Variants in LRRC49 observed in about 807,000 individuals in gnomAD.
LRRC49 encodes leucine-rich repeat-containing protein 49.
In LRRC49, 50 loss-of-function variants were observed where a neutral mutation model predicts 83.3. The observed-to-expected ratio is 0.60, with a 90% CI of 0.48 to 0.76. The LOEUF (loss-of-function observed/expected upper bound fraction) is 0.76, where lower values mean the gene tolerates loss of function less well. Ranked by LOEUF, LRRC49 falls within the 30% of genes least tolerant of loss-of-function variation. The pLI, the probability that LRRC49 is intolerant of heterozygous loss-of-function variation, is 0.00. For synonymous variants in LRRC49, 286 were observed against 283.3 expected (o/e 1.01, Z -0.10); for missense variants, 704 against 809.1 (o/e 0.87, Z 1.58).
intron 14 of LRRC49, among the ~76,000 whole-genome samples, chr15:71,027,263 T>G (rs1308081039): frequency 6.6e-6 from 1 of 152,142 alleles, no homozygotes; most frequent in African/African-American, 2.4e-5. Context: ...AGATGTGTGG[T>G]GTAATTTCTG....
At chr15:70,879,368 G>A (rs1315612865) in intron 2 of LRRC49, among the ~76,000 whole-genome samples, 2 of 152,030 alleles carry the variant, frequency 1.3e-5, no homozygotes, top group African/African-American at 4.8e-5. Flanking sequence ...TTTTTGTGTT[G>A]ATATTAGGTC....
intron 6 of LRRC49, among the ~76,000 whole-genome samples, chr15:70,912,053 T>A (rs893160674): frequency 6.6e-6 from 1 of 152,154 alleles, no homozygotes; most frequent in African/African-American, 2.4e-5. Context: ...TTAGTAGTAT[T>A]GTCTCTTAAT....
chr15:70,961,270 T>C (rs1482700352), intron 8 of LRRC49, among the ~76,000 whole-genome samples: 1 of 152,148 alleles, frequency 6.6e-6, no homozygotes, highest in Non-Finnish European at 1.5e-5. Context: ...AGATACCAAA[T>C]GCTGGTGAGG....
chr15:70,968,304 A>T (rs1173837843), intron 9 of LRRC49, among the ~76,000 whole-genome samples: 1 of 152,146 alleles, frequency 6.6e-6, no homozygotes, highest in Non-Finnish European at 1.5e-5. Context: ...TGTCCGTACA[A>T]AGGACATGAA....
At chr15:70,988,985 A>G (rs1223911316) in intron 11 of LRRC49, among the ~76,000 whole-genome samples, 2 of 152,182 alleles carry the variant, frequency 1.3e-5, no homozygotes, top group African/African-American at 4.8e-5. Flanking sequence ...TCTGGCTTGT[A>G]GAGTTTCTGC....
At chr15:70,871,016 G>A (rs997084772) in intron 1 of LRRC49, among the ~76,000 whole-genome samples, 3 of 151,180 alleles carry the variant, frequency 2.0e-5, no homozygotes, top group African/African-American at 7.3e-5. Flanking sequence ...GATTTGGCAG[G>A]GTCATAGGAC....
intron 2 of LRRC49, among the ~76,000 whole-genome samples, chr15:70,880,971 C>T (rs934772734): frequency 6.6e-6 from 1 of 152,196 alleles, no homozygotes; most frequent in Non-Finnish European, 1.5e-5. Context: ...TGCCTGTAAT[C>T]CCAGCACTCT....
chr15:71,025,565 G>A (rs1158517197), intron 14 of LRRC49, among the ~76,000 whole-genome samples: 1 of 152,024 alleles, frequency 6.6e-6, no homozygotes, highest in Admixed American at 6.5e-5. Flanking sequence ...ACACAGAATG[G>A]CAAGCTGGAT....
chr15:71,020,227 A>C (rs2038952148), intron 14 of LRRC49, among the ~76,000 whole-genome samples: 1 of 152,212 alleles, frequency 6.6e-6, no homozygotes, highest in Non-Finnish European at 1.5e-5. Flanking sequence ...ACAGTTGAAA[A>C]GAGATCCATA....
intron 1 of LRRC49, among the ~76,000 whole-genome samples, chr15:70,864,873 C>G (rs558359561): frequency 6.6e-6 from 1 of 152,092 alleles, no homozygotes; most frequent in Non-Finnish European, 1.5e-5. Context: ...TCTGTGTATC[C>G]GGGAATCTAG....
chr15:70,913,816 C>G (rs544147318), intron 6 of LRRC49, among the ~76,000 whole-genome samples: 6 of 152,192 alleles, frequency 3.9e-5, no homozygotes, highest in African/African-American at 9.6e-5. Context: ...TCTAATATAT[C>G]TTTAAGAGTT....
intron 3 of LRRC49, among the ~76,000 whole-genome samples, chr15:70,897,627 C>T (rs1002246927): frequency 2.6e-5 from 4 of 152,120 alleles, no homozygotes; most frequent in Non-Finnish European, 4.4e-5. Flanking sequence ...TATCTTGATA[C>T]CCAATCATTA....
In LRRC49 at chr15:70,893,760, T is replaced by C. The variant is rs976933832; in HGVS notation, c.105+120T>C. Reference sequence around the variant, plus strand: ...AAAAATTTAAGTAGATTTGCTTTGATTTCCAGTTTAAAGCTAGTTCTTACT... The same window carrying C: ...AAAAATTTAAGTAGATTTGCTTTGACTTCCAGTTTAAAGCTAGTTCTTACT... On this transcript the variant is annotated intron_variant, in intron 2 of 15. Coordinates refer to ENST00000260382, the MANE Select transcript of LRRC49 (RefSeq NM_017691.5). 5 of 767,072 alleles carry C rather than the reference T, an allele frequency of 6.5e-6. No individual in the cohort carries two copies. In the African/African-American group the frequency reaches 8.9e-5, roughly 14 times the overall value. The allele number at this position is 767,072 out of a possible 1,614,324, so 47.5% of individuals were successfully genotyped here.
At chr15:70,866,468 G>A (rs2032916311) in intron 1 of LRRC49, among the ~76,000 whole-genome samples, 2 of 152,090 alleles carry the variant, frequency 1.3e-5, no homozygotes, top group South Asian at 2.1e-4. Flanking sequence ...TAAATAGTGA[G>A]GCTGCAGCCC....
At chr15:70,903,151 A>G (rs955103582) in intron 4 of LRRC49, among the ~76,000 whole-genome samples, 1 of 152,170 alleles carries the variant, frequency 6.6e-6, no homozygotes, top group Non-Finnish European at 1.5e-5. Context: ...AAAAGACTGA[A>G]GCAGGAAAAG....
chr15:71,012,727 C>G (rs1431718149), intron 13 of LRRC49, 77 bp from the exon 14 acceptor site: 20 of 786,388 alleles, frequency 2.5e-5, no homozygotes, highest in Non-Finnish European at 1.5e-5. Flanking sequence ...ATTTGGATCT[C>G]TCTTTGGGAT....
rs770204438 is a variant in LRRC49 at position 70,984,249 on chromosome 15, G to A, written c.1161G>A (p.Glu387=). Residue 387 remains glutamate, a synonymous_variant, in exon 11 of 16, where the codon GAG becomes GAA. Coordinates refer to ENST00000260382, the MANE Select transcript of LRRC49 (RefSeq NM_017691.5). ...IDGSTLSAFP[E]ETGPLDSGLN... ...GAAGCACCCTCTCTGCATTCCCAGA[G>A]GAAACAGGGTATGCAATGGTATTTT... The A allele has an allele frequency of 1.9e-6, 3 of 1,609,616 alleles. No homozygotes were observed. Among genetic ancestry groups the A allele is most frequent in the South Asian group, 1.1e-5 (1 of 90,086 alleles).
intron 7 of LRRC49, among the ~76,000 whole-genome samples, chr15:70,927,362 T>G (rs1184178808): frequency 6.6e-6 from 1 of 152,176 alleles, no homozygotes; most frequent in Non-Finnish European, 1.5e-5. Flanking sequence ...TTTTTATCAT[T>G]CTAGATGCAG....
chr15:71,023,872 G>A (rs1299630907), intron 14 of LRRC49, among the ~76,000 whole-genome samples: 1 of 152,192 alleles, frequency 6.6e-6, no homozygotes, highest in Non-Finnish European at 1.5e-5. Flanking sequence ...TAAGACAACT[G>A]AACTCCTTGA....
Sources: allele counts gnomAD v4.1 joint callset (sites outside exome capture counted in the v4.1 genomes callset), GRCh38; gene constraint gnomAD v4.1.1; transcripts MANE v1.5; gene names NCBI Gene and HGNC (gene_info 2026-07-23, HGNC 2026-07-21).